Variants in MRTFA observed in about 807,000 individuals in gnomAD.
MRTFA encodes the protein myocardin related transcription factor A.
MRTFA carries 20 observed loss-of-function variants against 83.5 expected under a neutral mutation model. That is an observed-to-expected ratio of 0.24 (90% confidence interval 0.17 to 0.35). The LOEUF (loss-of-function observed/expected upper bound fraction) is 0.35. MRTFA is among the 10% of genes least tolerant of loss of function. The pLI is 1.00. For synonymous variants in MRTFA, 659 were observed against 541.2 expected, an observed-to-expected ratio of 1.22 and a Z score of -3.02; for missense variants, 1,200 against 1,224.7, an observed-to-expected ratio of 0.98 and a Z score of 0.30.
At position 40,419,000 on chromosome 22, in the gene MRTFA, C is replaced by G; in HGVS notation, c.1738G>C (p.Val580Leu). Residue 580 changes from valine (V) to leucine (L), a missense_variant, in exon 12 of 15, where the codon GTG becomes CTG. This residue lies in a region of MRTFA where 1,107 missense variants were observed against 1,041.8 expected (regional missense o/e 1.06). Transcript: ENST00000355630. ...GTCAGCTGCGTCAGAGGTGATGTCA[C>G]CATCTCACCAAAGGTGTCCCCGGGG... The G allele has an allele frequency of 6.2e-7, 1 of 1,612,844 alleles. No individual in the cohort carries two copies. The highest frequency in any genetic ancestry group is 1.1e-5 in the South Asian group (1 of 91,086).
intron 2 of MRTFA, among the ~76,000 whole-genome samples, chr22:40,571,350 C>A (rs940841631): frequency 6.6e-6 from 1 of 152,064 alleles, no homozygotes; most frequent in Non-Finnish European, 1.5e-5. Flanking sequence ...ATCTTCATGA[C>A]CTTCAATTAG....
At chr22:40,614,779 G>A (rs933763578) in intron 1 of MRTFA, among the ~76,000 whole-genome samples, 4 of 152,106 alleles carry the variant, frequency 2.6e-5, no homozygotes, top group South Asian at 2.1e-4. Context: ...GAGCTGCAGC[G>A]CCTGGCCCAT....
intron 7 of MRTFA, among the ~76,000 whole-genome samples, chr22:40,428,827 C>T (rs2147089215): frequency 6.6e-6 from 1 of 152,256 alleles, no homozygotes; most frequent in South Asian, 2.1e-4. Context: ...TGACACCCTC[C>T]CTTCCAGTGC....
At chr22:40,550,708 A>C (rs1798023276) in intron 3 of MRTFA, among the ~76,000 whole-genome samples, 2 of 152,226 alleles carry the variant, frequency 1.3e-5, no homozygotes, top group Admixed American at 1.3e-4. Context: ...TGGGTAAATA[A>C]TACAGACATA....
intron 4 of MRTFA, among the ~76,000 whole-genome samples, chr22:40,456,804 T>C (rs2053593854): frequency 6.6e-6 from 1 of 152,238 alleles, no homozygotes; most frequent in Admixed American, 6.5e-5. Context: ...GAAGTCTCTG[T>C]ATCCTTTGAT....
At chr22:40,550,055 A>C (rs1602416952) in intron 3 of MRTFA, among the ~76,000 whole-genome samples, 1 of 18,040 alleles carries the variant, frequency 5.5e-5, no homozygotes. Context: ...TTGCAAAAAA[A>C]AAAAAAAAAA....
At chr22:40,622,480 T>TAAAAAAA (rs1602506660) in intron 1 of MRTFA, among the ~76,000 whole-genome samples, 1 of 59,314 alleles carries the variant, frequency 1.7e-5, no homozygotes. Flanking sequence ...GACTCCCATC[T>TAAAAAAA]CAAAAAAAAA....
chr22:40,459,971 G>A (rs2147147202), intron 4 of MRTFA, among the ~76,000 whole-genome samples: 1 of 151,496 alleles, frequency 6.6e-6, no homozygotes, highest in Admixed American at 6.6e-5. Context: ...TTGAGACGGG[G>A]TCTCGCTGTT....
rs753792370 is a variant in MRTFA, at chr22:40,418,578, G to A, written c.2160C>T (p.Ser720=). 2.1e-5 allele frequency: 32 copies of A among 1,554,248 alleles called. No homozygotes were observed. The highest frequency in any genetic ancestry group is 1.1e-4 in the Admixed American group (5 of 47,612). Residue 720 remains serine, a synonymous_variant, in exon 12 of 15, where the codon TCC becomes TCT. Transcript: ENST00000355630. ...GCAAGGCTTCCTGCTTCACCACCAC[G>A]GACGGGGGCCCCGGGGCCACAGCAC...
Position 40,461,536 on chromosome 22 carries a change from G to C in MRTFA, c.307+1685C>G, listed in dbSNP as rs1216746103. ...CACAGTGGCTCAGGCTGTAATCCCAGCACTTTGGGAGGCTGAGGCAGGAGG... is the reference window on the plus strand; with the variant it reads ...CACAGTGGCTCAGGCTGTAATCCCACCACTTTGGGAGGCTGAGGCAGGAGG... On this transcript the variant is annotated intron_variant, in intron 4 of 14. Coordinates refer to ENST00000355630, the MANE Select transcript of MRTFA (RefSeq NM_020831.6). Among the ~76,000 whole-genome samples the C allele has an allele frequency of 2.0e-5, 3 of 150,586 alleles. No homozygotes were observed. In the East Asian group the frequency reaches 5.9e-4, roughly 29 times the overall value.
intron 3 of MRTFA, chr22:40,526,149 G>A (rs757384338): frequency 6.6e-6 from 1 of 152,022 alleles, no homozygotes; most frequent in Non-Finnish European, 1.5e-5. Flanking sequence ...CTGTGTAGCT[G>A]GTACTACAAG....
intron 5 of MRTFA, 107 bp downstream of exon 5, chr22:40,435,392 C>T (rs557404747): frequency 2.4e-6 from 3 of 1,238,064 alleles, no homozygotes; most frequent in East Asian, 2.3e-5. Flanking sequence ...CTAGCAGGCT[C>T]TGGCCTCAGA....
intron 1 of MRTFA, among the ~76,000 whole-genome samples, chr22:40,627,618 A>G (rs1443552428): frequency 6.6e-6 from 1 of 152,234 alleles, no homozygotes; most frequent in Non-Finnish European, 1.5e-5. Flanking sequence ...ACGAAAAGAC[A>G]TTTACTAGAG....
At chr22:40,473,521 T>C (rs768482545) in intron 3 of MRTFA, among the ~76,000 whole-genome samples, 11 of 152,312 alleles carry the variant, frequency 7.2e-5, no homozygotes, top group Admixed American at 6.5e-4. Context: ...TAGCCTCCTA[T>C]AAATTCCTAA....
intron 2 of MRTFA, among the ~76,000 whole-genome samples, chr22:40,585,952 A>G (rs2056021287): frequency 6.6e-6 from 1 of 152,224 alleles, no homozygotes; most frequent in Admixed American, 6.5e-5. Context: ...GGAATAAAAT[A>G]GAAACGAGCA....
intron 2 of MRTFA, among the ~76,000 whole-genome samples, chr22:40,556,546 G>T (rs1006520880): frequency 6.6e-6 from 1 of 152,276 alleles, no homozygotes; most frequent in African/African-American, 2.4e-5. Flanking sequence ...TTTGAACTCA[G>T]TATTAGGAAC....
rs560739866 is a variant in MRTFA at position 40,630,067 on chromosome 22, C to T, written c.-84+6411G>A. On this transcript the variant is annotated intron_variant, in intron 1 of 14. Transcript: ENST00000355630. ...GTGGCTCATGCTTATCATCCTAGCG[C>T]TTTGGGAGGCCAAGGCAGGCGGATC... 2.6e-5 allele frequency among the ~76,000 whole-genome samples: 4 copies of T among 152,072 alleles called. No individual in the cohort carries two copies. In the South Asian group the frequency reaches 8.3e-4, roughly 32 times the overall value.
At chr22:40,424,603 C>T (rs902752467) in intron 7 of MRTFA, among the ~76,000 whole-genome samples, 3 of 152,212 alleles carry the variant, frequency 2.0e-5, no homozygotes, top group African/African-American at 7.2e-5. Context: ...GCCTCCTAGG[C>T]TATCAGAGTG....
At chr22:40,626,808 T>C (rs1224678733) in intron 1 of MRTFA, among the ~76,000 whole-genome samples, 1 of 151,414 alleles carries the variant, frequency 6.6e-6, no homozygotes, top group Non-Finnish European at 1.5e-5. Context: ...AAGGTTACAG[T>C]GAGCTACGAT....
Sources: gnomAD v4.1 joint callset for allele counts (sites outside exome capture counted in the v4.1 genomes callset) on GRCh38, gnomAD v4.1.1 for gene constraint, gnomAD v4.1.1 regional missense constraint, MANE v1.5 for transcripts, NCBI Gene and HGNC (gene_info 2026-07-23, HGNC 2026-07-21) for gene names.